ASXL3: variants seen among roughly 807,000 people sequenced by gnomAD.
The protein encoded by ASXL3 is putative Polycomb group protein ASXL3.
In ASXL3, 34 loss-of-function variants were observed where a neutral mutation model predicts 170.6. The ratio of observed to expected loss-of-function variants is 0.20; its 90% CI spans 0.15 to 0.27. The LOEUF (loss-of-function observed/expected upper bound fraction) is 0.27, where lower values mean the gene tolerates loss of function less well. ASXL3 is among the 10% of genes least tolerant of loss of function. The probability of loss-of-function intolerance (pLI) is 1.00; values close to 1 mark genes in which losing one functional copy is unlikely to be tolerated. For missense variants in ASXL3, 2,592 were observed against 2,695.3 expected (o/e 0.96, Z 0.85); for synonymous variants, 1,002 against 989.1 (o/e 1.01, Z -0.24).
At chr18:33,684,068 G>T (rs1186528762) in intron 8 of ASXL3, among the ~76,000 whole-genome samples, 2 of 152,076 alleles carry the variant, frequency 1.3e-5, no homozygotes, top group Non-Finnish European at 2.9e-5. Context: ...AATATAACTG[G>T]AAATGCTTTA....
At chr18:33,586,439 C>A (rs1599370275) in intron 1 of ASXL3, among the ~76,000 whole-genome samples, 1 of 151,690 alleles carries the variant, frequency 6.6e-6, no homozygotes, top group Admixed American at 6.6e-5. Flanking sequence ...CAAAACCTTG[C>A]AGTTAGAAAT....
At chr18:33,738,388 A>G (rs956145612) in intron 10 of ASXL3, 99 bp from the exon 11 acceptor site, 57 of 1,163,354 alleles carry the variant, frequency 4.9e-5, no homozygotes, top group Non-Finnish European at 6.3e-5. Flanking sequence ...ATGTAATTTG[A>G]TGCATTTACT....
In ASXL3 at chr18:33,644,968, A is replaced by G. The variant is rs941552523; in HGVS notation, c.212A>G (p.Lys71Arg). The change falls in exon 3 of 12, where the codon AAA becomes AGA. Residue 71 changes from lysine to arginine, a missense_variant. Coordinates refer to ENST00000269197, the MANE Select transcript of ASXL3 (RefSeq NM_030632.3). ...NTRIGDGTFF[K>R]IPGKSGLYAL... ...CGAATAGGGGATGGAACATTCTTCA[A>G]AATCCCTGGAAAGTCAGGCCTCTAT... The G allele has an allele frequency of 8.9e-6, 14 of 1,573,782 alleles. No individual in the cohort carries two copies. Among genetic ancestry groups the G allele is most frequent in the African/African-American group, 4.1e-5 (3 of 73,978 alleles).
rs756261355 is a variant in ASXL3 at position 33,738,531 on chromosome 18, C to T, written c.1127C>T (p.Pro376Leu). Reference protein sequence around the residue: ...REESVKLTTGPNNAGAQSSSS... With the variant: ...REESVKLTTGLNNAGAQSSSS... ...GAATCTGTGAAGCTCACTACTGGAC[C>T]AAACAACGCTGGAGCTCAAAGTAGT... Residue 376 changes from proline to leucine, a missense_variant, in exon 11 of 12, where the codon CCA becomes CTA. Physicochemically the swap from Pro to Leu is moderately conservative, Grantham distance 98. Transcript: ENST00000269197. 2 of 1,613,606 alleles carry T rather than the reference C, an allele frequency of 1.2e-6. No homozygotes were observed. Among genetic ancestry groups the T allele is most frequent in the East Asian group, 4.5e-5 (2 of 44,842 alleles).
intron 10 of ASXL3, among the ~76,000 whole-genome samples, chr18:33,736,060 T>TTTAAC (rs1376912727): frequency 6.6e-6 from 1 of 152,226 alleles, no homozygotes; most frequent in Non-Finnish European, 1.5e-5. Context: ...TCATAATTTT[T>TTTAAC]TTAACTTAGG....
At chr18:33,612,251 C>A (rs888066186) in intron 2 of ASXL3, among the ~76,000 whole-genome samples, 2 of 151,774 alleles carry the variant, frequency 1.3e-5, no homozygotes, top group African/African-American at 4.8e-5. Context: ...GAAAGCAAGA[C>A]AATATTTATG....
Position 33,746,387 on chromosome 18 carries a change from G to A in ASXL3, c.6539G>A (p.Ser2180Asn), listed in dbSNP as rs1486326502. ...AIEKSIGILG[S>N]GSNPATGLSG... ...GAAAAGTCCATTGGGATTTTGGGAA[G>A]TGGCTCCAATCCTGCCACAGGCTTG... Residue 2180 changes from serine to asparagine, a missense_variant, in exon 12 of 12, where the codon AGT becomes AAT. Physicochemically the swap from Ser to Asn is conservative, Grantham distance 46. Coordinates refer to ENST00000269197, the MANE Select transcript of ASXL3 (RefSeq NM_030632.3). 3.1e-6 allele frequency: 5 copies of A among 1,613,908 alleles called. No individual in the cohort carries two copies. In the South Asian group the frequency reaches 5.5e-5, roughly 18 times the overall value.
At chr18:33,651,871 G>C (rs2066004460) in intron 4 of ASXL3, among the ~76,000 whole-genome samples, 1 of 152,000 alleles carries the variant, frequency 6.6e-6, no homozygotes, top group South Asian at 2.1e-4. Context: ...GTGTTGCCAA[G>C]GTACTTTGTT....
Position 33,689,315 on chromosome 18 carries a change from C to T in ASXL3, c.879+5747C>T, listed in dbSNP as rs145908206. Among the ~76,000 whole-genome samples the T allele has an allele frequency of 3.2e-3, 488 of 152,262 alleles. 6 individuals carry two copies. The highest frequency in any genetic ancestry group is 0.011 in the African/African-American group (470 of 41,558). On this transcript the variant is annotated intron_variant, in intron 8 of 11. Transcript: ENST00000269197. ...AGCCAAAAGGTGTATTTTCTATAAA[C>T]AAGGATGTGTTGTCTTACATAAGTA...
chr18:33,618,085 T>C (rs1406873877), intron 2 of ASXL3, among the ~76,000 whole-genome samples: 1 of 152,174 alleles, frequency 6.6e-6, no homozygotes, highest in Non-Finnish European at 1.5e-5. Context: ...CTTCTTTTTA[T>C]AGTTGATTTG....
At chr18:33,610,646 A>G (rs2065322144) in intron 2 of ASXL3, among the ~76,000 whole-genome samples, 1 of 151,916 alleles carries the variant, frequency 6.6e-6, no homozygotes, top group Non-Finnish European at 1.5e-5. Flanking sequence ...AGGGCAGGGT[A>G]CCTAACACTC....
intron 2 of ASXL3, among the ~76,000 whole-genome samples, chr18:33,628,109 T>G (rs964182161): frequency 2.6e-5 from 4 of 152,176 alleles, no homozygotes; most frequent in Non-Finnish European, 5.9e-5. Flanking sequence ...GTTTCTATTT[T>G]TTTTAGCTGA....
At chr18:33,626,283 A>C (rs2065602562) in intron 2 of ASXL3, among the ~76,000 whole-genome samples, 1 of 152,250 alleles carries the variant, frequency 6.6e-6, no homozygotes, top group Admixed American at 6.5e-5. Flanking sequence ...CATTTAAAAA[A>C]AAATCTTACC....
At position 33,740,864 on chromosome 18, in the gene ASXL3, A is replaced by C. The variant is rs529125598; in HGVS notation, c.3039+421A>C. 3.9e-5 allele frequency among the ~76,000 whole-genome samples: 6 copies of C among 152,358 alleles called. No individual in the cohort carries two copies. The East Asian group carries it at 1.2e-3, about 29-fold the overall frequency. The stretch of plus-strand genomic sequence containing the variant: ...TCTAAGTTTCTGCTCTCTGTCACTT[A>C]TACTGACTTGATGCTTTTATCTAAG... On this transcript the variant is annotated intron_variant, in intron 11 of 11. Coordinates refer to ENST00000269197, the MANE Select transcript of ASXL3 (RefSeq NM_030632.3).
intron 2 of ASXL3, among the ~76,000 whole-genome samples, chr18:33,624,908 G>A (rs2065576618): frequency 6.6e-6 from 1 of 152,104 alleles, no homozygotes; most frequent in Non-Finnish European, 1.5e-5. Context: ...TACTGAAATA[G>A]TTTGCTGCCT....
Position 33,627,489 on chromosome 18 carries a change from A to G in ASXL3, c.138-17405A>G, listed in dbSNP as rs1466565677. Reference sequence around the variant, plus strand: ...GAAATGTTTTATTTTCCTTTCTTGTATATATCCAGAGCCTTTTTCCCTGTG... The same window carrying G: ...GAAATGTTTTATTTTCCTTTCTTGTGTATATCCAGAGCCTTTTTCCCTGTG... On this transcript the variant is annotated intron_variant, in intron 2 of 11. Coordinates refer to ENST00000269197, the MANE Select transcript of ASXL3 (RefSeq NM_030632.3). Among the ~76,000 whole-genome samples, 7 of 152,268 alleles carry G rather than the reference A, an allele frequency of 4.6e-5. No individual in the cohort carries two copies. In the East Asian group the frequency reaches 1.4e-3, roughly 29 times the overall value.
At position 33,673,621 on chromosome 18, in the gene ASXL3, C is replaced by T. The variant is rs182181189; in HGVS notation, c.715+1755C>T. The stretch of plus-strand genomic sequence containing the variant: ...CCTCAGGTGATCCGCCTGCCTTTGC[C>T]TCCCAAAGTGCTGGGATTGCAGTGG... On this transcript the variant is annotated intron_variant, in intron 7 of 11. Coordinates refer to ENST00000269197, the MANE Select transcript of ASXL3 (RefSeq NM_030632.3). 4.5e-3 allele frequency among the ~76,000 whole-genome samples: 683 copies of T among 152,258 alleles called. 4 individuals carry two copies. Among genetic ancestry groups the T allele is most frequent in the African/African-American group, 0.015 (643 of 41,538 alleles).
intron 8 of ASXL3, among the ~76,000 whole-genome samples, chr18:33,705,326 C>A (rs2066938837): frequency 6.6e-6 from 1 of 150,682 alleles, no homozygotes. Flanking sequence ...TTTATATAGA[C>A]CCATTTCCCA....
intron 8 of ASXL3, among the ~76,000 whole-genome samples, chr18:33,696,599 C>A (rs1157365284): frequency 1.1e-4 from 17 of 152,112 alleles, no homozygotes; most frequent in Middle Eastern, 3.4e-3. Flanking sequence ...CTGGAAGAGA[C>A]TGCTGATTTG....
Sources: gnomAD v4.1 joint callset for allele counts (sites outside exome capture counted in the v4.1 genomes callset) on GRCh38, gnomAD v4.1.1 for gene constraint, MANE v1.5 for transcripts, NCBI Gene and HGNC (gene_info 2026-07-23, HGNC 2026-07-21) for gene names.